The following PDIA3 variants were observed in gnomAD, a reference collection of about 807,000 sequenced individuals.
PDIA3 encodes protein disulfide isomerase family A member 3, also known as protein disulfide-isomerase A3.
Under a neutral mutation model 56.9 loss-of-function variants are expected in PDIA3, and 16 were observed. The observed-to-expected ratio is 0.28, with a 90% CI of 0.19 to 0.43. The LOEUF is 0.43. PDIA3 is among the 20% of genes least tolerant of loss of function. The probability of loss-of-function intolerance (pLI) is 1.00; values close to 1 mark genes in which losing one functional copy is unlikely to be tolerated. For synonymous variants in PDIA3, 192 were observed against 216.5 expected (o/e 0.89, Z 0.99); for missense variants, 485 against 621.3 (o/e 0.78, Z 2.33).
intron 8 of PDIA3, 103 bp from the exon 9 acceptor site, chr15:43,768,386 C>G: frequency 1.3e-6 from 1 of 764,732 alleles, no homozygotes; most frequent in Non-Finnish European, 2.2e-6. Context: ...CCTTTTTTAG[C>G]CTTGAAAAGC....
intron 3 of PDIA3, among the ~76,000 whole-genome samples, chr15:43,756,976 G>C (rs2086782222): frequency 6.6e-6 from 1 of 152,196 alleles, no homozygotes; most frequent in South Asian, 2.1e-4. Flanking sequence ...TATAAGGTCA[G>C]CTCGACATTT....
At position 43,773,265 on chromosome 15, in the gene PDIA3, C is replaced by A; in HGVS notation, c.*2047C>A. The A allele has an allele frequency of 6.2e-7, 1 of 1,613,812 alleles. No individual in the cohort carries two copies. The highest frequency in any genetic ancestry group is 8.5e-7 in the Non-Finnish European group (1 of 1,179,930). ...GCATCCATGTCAAAAAGTAAAAATT[C>A]TCATTCTACCTTGCTTCCGTTCCCA... is the stretch of plus-strand genomic sequence containing the variant. On this transcript the variant is annotated 3_prime_UTR_variant, in exon 13 of 13. Coordinates refer to ENST00000300289, the MANE Select transcript of PDIA3 (RefSeq NM_005313.5).
rs1190369314 is a variant in PDIA3, at chr15:43,769,564, A to C, written c.1184A>C (p.Lys395Thr). Residue 395 changes from lysine to threonine, a missense_variant, in exon 10 of 13, where the codon AAA becomes ACA. Coordinates refer to ENST00000300289, the MANE Select transcript of PDIA3 (RefSeq NM_005313.5). The stretch of plus-strand genomic sequence containing the variant: ...GATGAAATAGTGAATAATGAAAATA[A>C]AGATGTGCTGATTGAATTTTATGCC... ...NFDEIVNNEN[K>T]DVLIEFYAPW... 9.3e-6 allele frequency: 15 copies of C among 1,612,974 alleles called. No individual in the cohort carries two copies. The highest frequency in any genetic ancestry group is 1.3e-5 in the Non-Finnish European group (15 of 1,178,990).
intron 1 of PDIA3, among the ~76,000 whole-genome samples, chr15:43,751,958 T>C (rs2086747190): frequency 6.6e-6 from 1 of 152,250 alleles, no homozygotes; most frequent in African/African-American, 2.4e-5. Context: ...CAGAAATCTC[T>C]CATCTGTCTC....
chr15:43,767,550 T>TGG (rs2086855419), intron 8 of PDIA3, among the ~76,000 whole-genome samples: 1 of 143,446 alleles, frequency 7.0e-6, no homozygotes, highest in South Asian at 2.2e-4. Context: ...GGCCGAGGCA[T>TGG]GTGGATCACA....
intron 5 of PDIA3, 40 bp downstream of exon 5, chr15:43,763,246 T>C: frequency 6.3e-7 from 1 of 1,599,682 alleles, no homozygotes; most frequent in Non-Finnish European, 8.6e-7. Context: ...AGTATTATTG[T>C]GTGAACTGGT....
intron 5 of PDIA3, among the ~76,000 whole-genome samples, chr15:43,763,793 A>T (rs1356155968): frequency 6.6e-6 from 1 of 151,742 alleles, no homozygotes; most frequent in East Asian, 1.9e-4. Flanking sequence ...GGGGGGTAAT[A>T]TCAGAAATAT....
chr15:43,753,828 G>C lies in PDIA3; in HGVS notation c.172G>C (p.Gly58Arg), dbSNP rs2086759774. Residue 58 changes from glycine to arginine, a missense_variant, in exon 2 of 13, where the codon GGA becomes CGA. Transcript: ENST00000300289. ...MLVEFFAPWC[G>R]HCKRLAPEYE... is the part of the protein sequence containing the mutation. ...GCTTTTTTAATACGTATATAGGTGT[G>C]GACACTGCAAGAGACTTGCACCTGA... 1 of 1,610,508 alleles carries C rather than the reference G, an allele frequency of 6.2e-7. No homozygotes were observed. Among genetic ancestry groups the C allele is most frequent in the South Asian group, 1.1e-5 (1 of 91,002 alleles).
Position 43,753,885 on chromosome 15 carries a change from A to G in PDIA3, c.229A>G (p.Ile77Val), listed in dbSNP as rs990138200. The change falls in exon 2 of 13, where the codon ATA becomes GTA. Residue 77 changes from isoleucine (I) to valine (V), a missense_variant. Physicochemically the swap from Ile to Val is conservative, Grantham distance 29 (BLOSUM62 3). Transcript: ENST00000300289. The part of the protein sequence containing the change: ...YEAAATRLKG[I>V]VPLAKVDCTA... ...AGCTGCAGCTACCAGATTAAAAGGA[A>G]TAGTCCCATTAGCAAAGGTAAGTAC... 3 of 1,612,228 alleles carry G rather than the reference A, an allele frequency of 1.9e-6. No individual in the cohort carries two copies. The African/African-American group carries it at 4.0e-5, about 22-fold the overall frequency.
At chr15:43,764,612 T>G (rs2086836959) in intron 5 of PDIA3, among the ~76,000 whole-genome samples, 1 of 152,026 alleles carries the variant, frequency 6.6e-6, no homozygotes, top group African/African-American at 2.4e-5. Context: ...GGATTACAGG[T>G]GTGCACCACC....
At chr15:43,748,773 A>T (rs1160431764) in intron 1 of PDIA3, among the ~76,000 whole-genome samples, 1 of 143,386 alleles carries the variant, frequency 7.0e-6, no homozygotes, top group Non-Finnish European at 1.5e-5. Context: ...GTGTTTGTGT[A>T]TTTTTTTTTT....
chr15:43,771,001 G>A, intron 12 of PDIA3, 104 bp from the exon 13 acceptor site: 2 of 711,988 alleles, frequency 2.8e-6, no homozygotes, highest in Non-Finnish European at 2.4e-6. Context: ...CAGTATATGT[G>A]GCTGCTAATA....
chr15:43,770,356 T>C (rs2086873602), intron 11 of PDIA3, 27 bp downstream of exon 11: 4 of 1,570,892 alleles, frequency 2.5e-6, no homozygotes, highest in Non-Finnish European at 3.5e-6. Context: ...TTAACAAAAG[T>C]GTCTAGGCAA....
chr15:43,771,046 TG>T, intron 12 of PDIA3, 58 bp from the exon 13 acceptor site: 1 of 1,064,876 alleles, frequency 9.4e-7, no homozygotes, highest in Non-Finnish European at 1.4e-6. Context: ...CCTGTTTGGG[TG>T]GGGCAGATCA....
chr15:43,772,937 A>C lies in PDIA3; in HGVS notation c.*1719A>C, dbSNP rs1391017836. Reference sequence around the variant, plus strand: ...GCTATGGAGTCTTTGCACAGTGCCCATACCCTAAAAATTAATAATGAAAAC... The same window carrying C: ...GCTATGGAGTCTTTGCACAGTGCCCCTACCCTAAAAATTAATAATGAAAAC... On this transcript the variant is annotated 3_prime_UTR_variant, in exon 13 of 13. Transcript: ENST00000300289. The C allele has an allele frequency of 3.4e-6, 2 of 594,182 alleles. No individual in the cohort carries two copies. The highest frequency in any genetic ancestry group is 6.5e-5 in the Admixed American group (2 of 30,794). The allele number at this position is 594,182 out of a possible 1,614,324, so 36.8% of individuals were successfully genotyped here.
intron 1 of PDIA3, among the ~76,000 whole-genome samples, chr15:43,748,474 G>A (rs942528038): frequency 1.3e-5 from 2 of 151,460 alleles, no homozygotes; most frequent in East Asian, 3.9e-4. Context: ...GCGAAACTCT[G>A]TCTCAAAAAA....
chr15:43,769,236 G>C (rs778930945), intron 9 of PDIA3, among the ~76,000 whole-genome samples: 18 of 152,216 alleles, frequency 1.2e-4, no homozygotes, highest in Non-Finnish European at 2.5e-4. Context: ...CTGCAGGCAT[G>C]TGCCACCAAG....
Position 43,772,842 on chromosome 15 carries a change from G to A in PDIA3, c.*1624G>A, listed in dbSNP as rs1312316573. Reference sequence around the variant, plus strand: ...AAGATGATGTCATTTCTCAGGACTTGAAAATGACTTGGCTGAACTAAAGGT... The same window carrying A: ...AAGATGATGTCATTTCTCAGGACTTAAAAATGACTTGGCTGAACTAAAGGT... On this transcript the variant is annotated 3_prime_UTR_variant, in exon 13 of 13. Transcript: ENST00000300289. 3.3e-6 allele frequency: 1 copy of A among 299,594 alleles called. No homozygotes were observed. The highest frequency in any genetic ancestry group is 2.2e-5 in the African/African-American group (1 of 46,346). 18.6% of individuals were successfully genotyped at this position (299,594 alleles called of 1,614,324 possible).
chr15:43,773,011 A>G lies in PDIA3; in HGVS notation c.*1793A>G. 9.3e-7 allele frequency: 1 copy of G among 1,077,640 alleles called. No individual in the cohort carries two copies. Among genetic ancestry groups the G allele is most frequent in the Non-Finnish European group, 1.4e-6 (1 of 738,872 alleles). The allele number at this position is 1,077,640 out of a possible 1,614,324, so 66.8% of individuals were successfully genotyped here. A position where few individuals can be genotyped will look rare whatever the true frequency, so the allele number is the denominator to read the frequency against. ...CTCTCTACTTGCCACCATGGACTCC[A>G]GTGGTCAGCATAAGAAAAGCAGATA... On this transcript the variant is annotated 3_prime_UTR_variant, in exon 13 of 13. Coordinates refer to ENST00000300289, the MANE Select transcript of PDIA3 (RefSeq NM_005313.5).
Sources: allele counts gnomAD v4.1 joint callset (sites outside exome capture counted in the v4.1 genomes callset), GRCh38; gene constraint gnomAD v4.1.1; transcripts MANE v1.5; gene names NCBI Gene and HGNC (gene_info 2026-07-23, HGNC 2026-07-21).